ERC2: variants seen among roughly 807,000 people sequenced by gnomAD.
ERC2 encodes the protein ERC protein 2.
A neutral mutation model predicts 114.8 loss-of-function variants in ERC2; 42 were observed. The observed-to-expected ratio is 0.37, with a 90% CI of 0.29 to 0.47. ERC2 has a LOEUF of 0.47. ERC2 is among the 20% of genes least tolerant of loss of function. The pLI, the probability that ERC2 is intolerant of heterozygous loss-of-function variation, is 0.99. For missense variants in ERC2, 939 were observed against 1,150.7 expected (o/e 0.82, Z 2.66); for synonymous variants, 454 against 425.5 (o/e 1.07, Z -0.82).
intron 14 of ERC2, among the ~76,000 whole-genome samples, chr3:55,760,539 T>A (rs865989876): frequency 6.6e-6 from 1 of 152,338 alleles, no homozygotes; most frequent in South Asian, 2.1e-4. Flanking sequence ...TTTTCACATA[T>A]ACATTGGTGA....
At chr3:55,602,965 C>G (rs559043007) in intron 17 of ERC2, among the ~76,000 whole-genome samples, 1 of 152,138 alleles carries the variant, frequency 6.6e-6, no homozygotes, top group Non-Finnish European at 1.5e-5. Context: ...ACAGGGCATG[C>G]CTGTCTTGTC....
At chr3:55,746,422 C>T (rs746986871) in intron 14 of ERC2, among the ~76,000 whole-genome samples, 3 of 151,972 alleles carry the variant, frequency 2.0e-5, no homozygotes, top group African/African-American at 4.8e-5. Context: ...TTAGTAGAGA[C>T]GGGGTTTCAC....
chr3:55,933,205 T>C (rs1224139109), intron 13 of ERC2, among the ~76,000 whole-genome samples: 1 of 99,710 alleles, frequency 1.0e-5, no homozygotes, highest in Admixed American at 1.1e-4. Flanking sequence ...CAAGACTTTG[T>C]CTCAAAAAAA....
chr3:55,810,646 G>A (rs914438057), intron 14 of ERC2, among the ~76,000 whole-genome samples: 15 of 152,128 alleles, frequency 9.9e-5, no homozygotes, highest in African/African-American at 3.4e-4. Context: ...TTTCAGTAGA[G>A]ACAGGGTTTC....
intron 14 of ERC2, among the ~76,000 whole-genome samples, chr3:55,749,864 C>A (rs574941847): frequency 1.3e-5 from 2 of 152,190 alleles, no homozygotes; most frequent in Non-Finnish European, 2.9e-5. Flanking sequence ...GTAACACTCA[C>A]TGCGAAGGTC....
intron 13 of ERC2, among the ~76,000 whole-genome samples, chr3:55,944,784 C>T (rs944087545): frequency 1.3e-5 from 2 of 152,070 alleles, no homozygotes; most frequent in South Asian, 2.1e-4. Context: ...TTTTGGCTCG[C>T]GGAGGATTAT....
At chr3:55,952,182 C>CTATATATATATA (rs1559923074) in intron 12 of ERC2, among the ~76,000 whole-genome samples, 1 of 71,472 alleles carries the variant, frequency 1.4e-5, no homozygotes, top group Non-Finnish European at 2.8e-5. Flanking sequence ...CACACACACT[C>CTATATATATATA]TCTCTCTCTC....
intron 17 of ERC2, among the ~76,000 whole-genome samples, chr3:55,642,343 T>C (rs1468111186): frequency 2.0e-5 from 1 of 49,242 alleles, no homozygotes. Flanking sequence ...TTTCTTTTTT[T>C]TTTTCTTTTT....
intron 17 of ERC2, chr3:55,610,848 C>T (rs998685198): frequency 3.3e-5 from 5 of 152,270 alleles, no homozygotes; most frequent in Non-Finnish European, 5.9e-5. Flanking sequence ...GGAGGAGAAA[C>T]TTAGAAATGA....
At chr3:55,597,419 CAA>C (rs34105072) in intron 17 of ERC2, among the ~76,000 whole-genome samples, 14 of 128,424 alleles carry the variant, frequency 1.1e-4, no homozygotes, top group Non-Finnish European at 1.1e-4. Flanking sequence ...GACTCCAACT[CAA>C]AAAAAAAAAA....
intron 7 of ERC2, among the ~76,000 whole-genome samples, chr3:56,032,987 GAA>G (rs374317110): frequency 0.011 from 976 of 91,226 alleles, 23 homozygotes; most frequent in African/African-American, 0.016. Context: ...GAGAAAGAAA[GAA>G]AGAAAGAAAG....
At chr3:55,856,536 ACAC>A (rs200782100) in intron 14 of ERC2, among the ~76,000 whole-genome samples, 2,477 of 152,342 alleles carry the variant, frequency 0.016, 37 homozygotes, top group Middle Eastern at 0.031. Flanking sequence ...ACACACATAT[ACAC>A]ATATATGTAT....
At chr3:55,665,870 G>C (rs565624094) in intron 17 of ERC2, among the ~76,000 whole-genome samples, 2 of 152,176 alleles carry the variant, frequency 1.3e-5, no homozygotes, top group African/African-American at 2.4e-5. Context: ...CACTAGAAAT[G>C]AGGGCTTTGA....
chr3:56,441,511 T>G (rs1023272171), intron 1 of ERC2, among the ~76,000 whole-genome samples: 32 of 152,242 alleles, frequency 2.1e-4, no homozygotes, highest in African/African-American at 7.7e-4. Context: ...ATATTGTGAT[T>G]GATAAAGCTT....
intron 13 of ERC2, among the ~76,000 whole-genome samples, chr3:55,904,124 T>C (rs2064296009): frequency 6.6e-6 from 1 of 152,252 alleles, no homozygotes; most frequent in African/African-American, 2.4e-5. Flanking sequence ...TGTTCTCATG[T>C]ACAGCAACAA....
intron 3 of ERC2, among the ~76,000 whole-genome samples, chr3:56,183,088 A>C: frequency 6.6e-6 from 1 of 152,178 alleles, no homozygotes; most frequent in Non-Finnish European, 1.5e-5. Flanking sequence ...AGACAGTTAC[A>C]CTGAACTTTG....
At chr3:55,925,217 C>T (rs969170260) in intron 13 of ERC2, among the ~76,000 whole-genome samples, 13 of 152,102 alleles carry the variant, frequency 8.5e-5, no homozygotes, top group African/African-American at 2.2e-4. Flanking sequence ...GGTAAGACAA[C>T]GGAGGGCATT....
At chr3:55,927,642 A>T (rs2065823888) in intron 13 of ERC2, among the ~76,000 whole-genome samples, 1 of 152,158 alleles carries the variant, frequency 6.6e-6, no homozygotes, top group Admixed American at 6.5e-5. Flanking sequence ...CATACAATAA[A>T]TTATTGTTGA....
intron 2 of ERC2, among the ~76,000 whole-genome samples, chr3:56,297,311 A>G (rs1275511271): frequency 6.7e-6 from 1 of 150,000 alleles, no homozygotes; most frequent in Non-Finnish European, 1.5e-5. Flanking sequence ...ATAGACATGG[A>G]AAAAAAAAAG....
Sources: allele counts gnomAD v4.1 joint callset (sites outside exome capture counted in the v4.1 genomes callset), GRCh38; gene constraint gnomAD v4.1.1; transcripts MANE v1.5; gene names NCBI Gene and HGNC (gene_info 2026-07-23, HGNC 2026-07-21).